DOCK2: variants seen among roughly 807,000 people sequenced by gnomAD.
DOCK2 encodes the protein dedicator of cytokinesis protein 2.
Under a neutral mutation model 248.9 loss-of-function variants are expected in DOCK2, and 87 were observed. The observed-to-expected ratio is 0.35, with a 90% confidence interval of 0.29 to 0.42. The LOEUF is 0.42. DOCK2 is among the 10% of genes least tolerant of loss of function. DOCK2 has a pLI of 1.00. For synonymous variants in DOCK2, 805 were observed against 821.6 expected (o/e 0.98, Z 0.35); for missense variants, 1,747 against 2,300.2 (o/e 0.76, Z 4.92).
intron 29 of DOCK2, among the ~76,000 whole-genome samples, chr5:169,990,103 C>CTTCTTTTT (rs1778169383): frequency 6.7e-6 from 1 of 149,384 alleles, no homozygotes; most frequent in Non-Finnish European, 1.5e-5. Flanking sequence ...TTTTTTTCTT[C>CTTCTTTTT]TTCTTTTTCT....
At chr5:169,767,557 T>C (rs1472040934) in intron 25 of DOCK2, among the ~76,000 whole-genome samples, 1 of 152,220 alleles carries the variant, frequency 6.6e-6, no homozygotes, top group African/African-American at 2.4e-5. Context: ...CCTGGCTTGA[T>C]TGCATGCTAG....
intron 1 of DOCK2, among the ~76,000 whole-genome samples, chr5:169,653,325 C>G (rs887497580): frequency 6.6e-6 from 1 of 152,180 alleles, no homozygotes; most frequent in Non-Finnish European, 1.5e-5. Context: ...TAGCTCCCCA[C>G]CCAACATTGT....
At chr5:169,696,561 T>TAAAC (rs1760640671) in intron 10 of DOCK2, among the ~76,000 whole-genome samples, 1 of 152,254 alleles carries the variant, frequency 6.6e-6, no homozygotes, top group South Asian at 2.1e-4. Flanking sequence ...TCAACCTGCT[T>TAAAC]TACATAATGT....
intron 9 of DOCK2, among the ~76,000 whole-genome samples, chr5:169,690,505 T>C (rs1302840686): frequency 1.3e-5 from 2 of 152,212 alleles, no homozygotes; most frequent in African/African-American, 4.8e-5. Flanking sequence ...TTATTTTCTT[T>C]AAAAAATGGG....
chr5:169,922,607 C>T (rs896482478), intron 27 of DOCK2, among the ~76,000 whole-genome samples: 1 of 152,196 alleles, frequency 6.6e-6, no homozygotes, highest in East Asian at 1.9e-4. Flanking sequence ...CCTACATTAT[C>T]TTTCTAAGCT....
At chr5:169,896,817 A>G (rs908160122) in intron 27 of DOCK2, among the ~76,000 whole-genome samples, 1 of 152,194 alleles carries the variant, frequency 6.6e-6, no homozygotes, top group African/African-American at 2.4e-5. Context: ...GTAGAAGAGG[A>G]TAAATGTTTA....
chr5:170,071,359 A>G (rs781763088), intron 46 of DOCK2, among the ~76,000 whole-genome samples: 3 of 152,210 alleles, frequency 2.0e-5, no homozygotes, highest in Non-Finnish European at 2.9e-5. Context: ...AGCCAAATAC[A>G]CTTTGAATTT....
At chr5:169,804,905 C>A (rs1461994564) in intron 26 of DOCK2, among the ~76,000 whole-genome samples, 1 of 152,164 alleles carries the variant, frequency 6.6e-6, no homozygotes, top group Admixed American at 6.5e-5. Context: ...TAGATTCATT[C>A]AGATGATGAT....
In DOCK2 at chr5:169,711,804, A is replaced by G. The variant is rs1045967634; in HGVS notation, c.1483-131A>G. 1.6e-5 allele frequency: 14 copies of G among 855,948 alleles called. No individual in the cohort carries two copies. The Admixed American group carries it at 2.3e-4, about 14-fold the overall frequency. 53.0% of individuals were successfully genotyped at this position (855,948 alleles called of 1,614,324 possible). ...ATTTATTTACAGTTCATCAGCCTCAATGGATGGGTTGTAAATCAGCAGGCA... is the reference window on the plus strand; with the variant it reads ...ATTTATTTACAGTTCATCAGCCTCAGTGGATGGGTTGTAAATCAGCAGGCA... On this transcript the variant is annotated intron_variant, in intron 15 of 51. Transcript: ENST00000520908.
intron 46 of DOCK2, among the ~76,000 whole-genome samples, chr5:170,071,778 T>A (rs1379957739): frequency 6.6e-6 from 1 of 152,206 alleles, no homozygotes; most frequent in East Asian, 1.9e-4. Context: ...TTAAAAAAAA[T>A]ACTTTACCAC....
intron 5 of DOCK2, among the ~76,000 whole-genome samples, chr5:169,673,097 C>T (rs918186481): frequency 6.6e-6 from 1 of 152,120 alleles, no homozygotes; most frequent in Non-Finnish European, 1.5e-5. Context: ...GCTCAATCCT[C>T]AGTCCCCCTC....
intron 22 of DOCK2, among the ~76,000 whole-genome samples, chr5:169,731,503 C>G (rs1423783387): frequency 1.3e-5 from 2 of 152,134 alleles, no homozygotes; most frequent in African/African-American, 4.8e-5. Context: ...GAATGTAAGT[C>G]CATTAAACCT....
intron 38 of DOCK2, 49 bp from the exon 39 acceptor site, chr5:170,045,767 G>T (rs1366611078): frequency 6.3e-7 from 1 of 1,588,228 alleles, no homozygotes; most frequent in Admixed American, 1.7e-5. Context: ...CAAGCGCTCT[G>T]CAAACCCGGT....
At chr5:169,994,013 C>T (rs559185549) in intron 29 of DOCK2, among the ~76,000 whole-genome samples, 14 of 152,258 alleles carry the variant, frequency 9.2e-5, no homozygotes, top group Admixed American at 5.9e-4. Flanking sequence ...TTTTTTCCCC[C>T]CACTCTGAGC....
rs1773124738 is a variant in DOCK2, at chr5:169,888,865, G to C, written c.2799+48013G>C. Among the ~76,000 whole-genome samples, 7 of 152,138 alleles carry C rather than the reference G, an allele frequency of 4.6e-5. 1 individual carries two copies. The South Asian group carries it at 1.5e-3, about 32-fold the overall frequency. ...GTCTTTGTCCCTCCTCTTTCCCTTG[G>C]GATAGTAAACTGTAGGTGCATTCAT... On this transcript the variant is annotated intron_variant, in intron 27 of 51. Transcript: ENST00000520908.
At chr5:169,761,966 T>C (rs1362500744) in intron 25 of DOCK2, among the ~76,000 whole-genome samples, 1 of 152,226 alleles carries the variant, frequency 6.6e-6, no homozygotes, top group Non-Finnish European at 1.5e-5. Context: ...ACGGGGAAGT[T>C]CTCAAAATTT....
intron 27 of DOCK2, among the ~76,000 whole-genome samples, chr5:169,972,538 G>GAGAC (rs1312908234): frequency 2.9e-4 from 38 of 129,396 alleles, no homozygotes; most frequent in African/African-American, 9.7e-4. Context: ...GAGCCACTGT[G>GAGAC]AGACAGATAG....
intron 8 of DOCK2, among the ~76,000 whole-genome samples, chr5:169,688,454 A>G (rs1485865186): frequency 6.6e-6 from 1 of 152,168 alleles, no homozygotes; most frequent in East Asian, 1.9e-4. Context: ...ACTATTCCTT[A>G]TTTGAAACGC....
intron 7 of DOCK2, among the ~76,000 whole-genome samples, chr5:169,682,519 G>A (rs1012237477): frequency 6.6e-6 from 1 of 152,214 alleles, no homozygotes. Flanking sequence ...GGCCTGAGGG[G>A]TTTTGGAAAA....
Sources: gnomAD v4.1 joint callset for allele counts (sites outside exome capture counted in the v4.1 genomes callset) on GRCh38, gnomAD v4.1.1 for gene constraint, MANE v1.5 for transcripts, NCBI Gene and HGNC (gene_info 2026-07-23, HGNC 2026-07-21) for gene names.